The following EMILIN2 variants were observed in gnomAD, a reference collection of about 807,000 sequenced individuals.
EMILIN2 encodes elastin microfibril interfacer 2, also known as EMILIN-2.
EMILIN2 carries 71 observed loss-of-function variants against 87.1 expected under a neutral mutation model. That is an observed-to-expected ratio of 0.82 (90% CI 0.67 to 0.99). The LOEUF (loss-of-function observed/expected upper bound fraction) is 0.99, where lower values mean the gene tolerates loss of function less well. EMILIN2 is among the 50% of genes least tolerant of loss of function. EMILIN2 has a pLI of 0.00. For missense variants in EMILIN2, 1,407 were observed against 1,371.8 expected, an observed-to-expected ratio of 1.03 and a Z score of -0.40; for synonymous variants, 581 against 563.4, an observed-to-expected ratio of 1.03 and a Z score of -0.44.
chr18:2,901,000 C>T (rs945452661), intron 4 of EMILIN2, among the ~76,000 whole-genome samples: 1 of 152,230 alleles, frequency 6.6e-6, no homozygotes, highest in African/African-American at 2.4e-5. Flanking sequence ...ATGAATTACA[C>T]TTAACATTTG....
At chr18:2,883,118 T>C (rs1598495497) in intron 2 of EMILIN2, among the ~76,000 whole-genome samples, 1 of 151,930 alleles carries the variant, frequency 6.6e-6, no homozygotes, top group African/African-American at 2.4e-5. Context: ...GCTTGGCGGG[T>C]CCTAGCTGTC....
chr18:2,847,330 C>A lies in EMILIN2; in HGVS notation c.134+8C>A. ...GCCCAGCGCCAGGAACAAGTAAGTG[C>A]GCGCCCCTTGGCTGGCCCCAAACCG... On this transcript the variant is annotated splice_region_variant and intron_variant, in intron 1 of 7. Coordinates refer to ENST00000254528, the MANE Select transcript of EMILIN2 (RefSeq NM_032048.3). This position sits in a 1 kb window ranked among gnomAD's most constrained non-coding sequence, Gnocchi z 4.5. The A allele has an allele frequency of 7.6e-7, 1 of 1,311,760 alleles. No individual in the cohort carries two copies. Among genetic ancestry groups the A allele is most frequent in the Non-Finnish European group, 9.7e-7 (1 of 1,033,556 alleles). 81.3% of individuals were successfully genotyped at this position (1,311,760 alleles called of 1,614,324 possible). A position where few individuals can be genotyped will look rare whatever the true frequency, so the allele number is the denominator to read the frequency against.
intron 2 of EMILIN2, among the ~76,000 whole-genome samples, chr18:2,872,616 T>C (rs1448325947): frequency 2.0e-5 from 3 of 152,216 alleles, no homozygotes; most frequent in Non-Finnish European, 4.4e-5. Flanking sequence ...AAAGTAATGA[T>C]GTAAATTGTA....
In EMILIN2 at chr18:2,863,431, G is replaced by A. The variant is rs956389870; in HGVS notation, c.257+15500G>A. ...TGTGGTACGTTGTGTCTTTGTTCTC[G>A]TTGGTTTCACAGAACATCTTTATTT... On this transcript the variant is annotated intron_variant, in intron 2 of 7. Transcript: ENST00000254528. 7.9e-5 allele frequency among the ~76,000 whole-genome samples: 12 copies of A among 152,112 alleles called. No individual in the cohort carries two copies. The South Asian group carries it at 1.3e-3, about 16-fold the overall frequency.
chr18:2,873,821 T>G (rs921023365), intron 2 of EMILIN2, among the ~76,000 whole-genome samples: 1 of 152,210 alleles, frequency 6.6e-6, no homozygotes, highest in Non-Finnish European at 1.5e-5. Context: ...CCTCTTGAAG[T>G]ACAGGAGTTG....
At chr18:2,870,156 G>A (rs1014951358) in intron 2 of EMILIN2, among the ~76,000 whole-genome samples, 2 of 152,114 alleles carry the variant, frequency 1.3e-5, no homozygotes, top group Non-Finnish European at 2.9e-5. Context: ...TGGGAGGATC[G>A]CTTGGGCTGG....
At chr18:2,870,705 G>A (rs958371591) in intron 2 of EMILIN2, among the ~76,000 whole-genome samples, 2 of 152,232 alleles carry the variant, frequency 1.3e-5, no homozygotes, top group African/African-American at 4.8e-5. Flanking sequence ...ATATGCAGAT[G>A]TGAGAGAAGG....
chr18:2,865,885 T>C (rs2076684127), intron 2 of EMILIN2, among the ~76,000 whole-genome samples: 1 of 152,196 alleles, frequency 6.6e-6, no homozygotes, highest in African/African-American at 2.4e-5. Flanking sequence ...GACGCTTTGT[T>C]TACCTACTCA....
At chr18:2,846,753 C>A, upstream of EMILIN2, 1 of 985,382 alleles carries the variant, frequency 1.0e-6, no homozygotes. This position sits in a 1 kb window ranked among gnomAD's most constrained non-coding sequence, Gnocchi z 5.3. Flanking sequence ...AGGTGGGAGG[C>A]GGAGTCGCTC....
In EMILIN2 at chr18:2,913,442, G is replaced by T. The variant is rs757444140; in HGVS notation, c.*38G>T. 1 of 1,474,922 alleles carries T rather than the reference G, an allele frequency of 6.8e-7. No individual in the cohort carries two copies. Among genetic ancestry groups the T allele is most frequent in the Non-Finnish European group, 9.2e-7 (1 of 1,090,258 alleles). The allele number at this position is 1,474,922 out of a possible 1,614,324, so 91.4% of individuals were successfully genotyped here. On this transcript the variant is annotated 3_prime_UTR_variant, in exon 8 of 8. Coordinates refer to ENST00000254528, the MANE Select transcript of EMILIN2 (RefSeq NM_032048.3). ...GATGTCAGGGGAAAGATAGATAGTT[G>T]TAAAAACTCTAAAGCTTTAATATAT... is the stretch of plus-strand genomic sequence containing the variant.
intron 2 of EMILIN2, among the ~76,000 whole-genome samples, chr18:2,868,181 C>T (rs923739264): frequency 2.0e-5 from 3 of 151,398 alleles, no homozygotes; most frequent in African/African-American, 7.3e-5. Flanking sequence ...TGGGCAGAGA[C>T]GCTCCTCACA....
intron 2 of EMILIN2, among the ~76,000 whole-genome samples, chr18:2,872,491 G>A (rs2076724903): frequency 6.6e-6 from 1 of 152,132 alleles, no homozygotes; most frequent in South Asian, 2.1e-4. Context: ...CACAGTGCTG[G>A]GATTACAGCC....
rs943792021 is a variant in EMILIN2 at position 2,914,898 on chromosome 18, C to G, written c.*1494C>G. 2 of 152,252 alleles carry G rather than the reference C, an allele frequency of 1.3e-5. No individual in the cohort carries two copies. Among genetic ancestry groups the G allele is most frequent in the African/African-American group, 4.8e-5 (2 of 41,452 alleles). 9.4% of individuals were successfully genotyped at this position (152,252 alleles called of 1,614,324 possible). A position where few individuals can be genotyped will look rare whatever the true frequency, so the allele number is the denominator to read the frequency against. On this transcript the variant is annotated 3_prime_UTR_variant, in exon 8 of 8. Coordinates refer to ENST00000254528, the MANE Select transcript of EMILIN2 (RefSeq NM_032048.3). Reference sequence around the variant, plus strand: ...CGGGAGGGAGAATGGCATCTCACCCCATTACAACAGCTGGGGAACTGGCTA... The same window carrying G: ...CGGGAGGGAGAATGGCATCTCACCCGATTACAACAGCTGGGGAACTGGCTA...
intron 4 of EMILIN2, among the ~76,000 whole-genome samples, chr18:2,896,909 G>A (rs1232392386): frequency 6.6e-6 from 1 of 152,130 alleles, no homozygotes; most frequent in Non-Finnish European, 1.5e-5. Flanking sequence ...GGCTCAGACG[G>A]GTGTATCGCT....
intron 4 of EMILIN2, among the ~76,000 whole-genome samples, chr18:2,899,939 C>T (rs1043408657): frequency 4.6e-5 from 7 of 152,366 alleles, no homozygotes; most frequent in East Asian, 1.9e-4. Context: ...GATTTTAGCA[C>T]ACATGACTAA....
chr18:2,869,768 C>G (rs1038795886), intron 2 of EMILIN2, among the ~76,000 whole-genome samples: 6 of 143,992 alleles, frequency 4.2e-5, no homozygotes, highest in African/African-American at 1.7e-4. Context: ...ATAGATTCCT[C>G]TGTGTGTGTG....
At chr18:2,868,525 A>C (rs1022023129) in intron 2 of EMILIN2, among the ~76,000 whole-genome samples, 7 of 152,256 alleles carry the variant, frequency 4.6e-5, no homozygotes, top group African/African-American at 7.2e-5. Flanking sequence ...TGAGTGAACG[A>C]GGCTCCCTCT....
Position 2,890,650 on chromosome 18 carries a change from G to T in EMILIN2, c.523G>T (p.Gly175Trp). 6.2e-7 allele frequency: 1 copy of T among 1,614,036 alleles called. No individual in the cohort carries two copies. The highest frequency in any genetic ancestry group is 1.1e-5 in the South Asian group (1 of 91,074). ...AAGCTGGGGGGTAGATCCAAAAGAG[G>T]GGCCTCAGGAACTTCAGGAAAAGAA... ...QPSWGVDPKE[G>W]PQELQEKKIQ... The change falls in exon 4 of 8, where the codon GGG becomes TGG. Residue 175 changes from glycine (G) to tryptophan (W), a missense_variant. Coordinates refer to ENST00000254528, the MANE Select transcript of EMILIN2 (RefSeq NM_032048.3). The surrounding 1 kb of genome is among the most constrained non-coding windows in gnomAD (Gnocchi z 4.7).
chr18:2,901,051 C>G (rs2076886128), intron 4 of EMILIN2, among the ~76,000 whole-genome samples: 1 of 152,174 alleles, frequency 6.6e-6, no homozygotes, highest in Non-Finnish European at 1.5e-5. Context: ...AAGGGCACAC[C>G]CACATCCATT....
Sources: allele counts gnomAD v4.1 joint callset (sites outside exome capture counted in the v4.1 genomes callset), GRCh38; gene constraint gnomAD v4.1.1; non-coding constraint Gnocchi (gnomAD v3.1); transcripts MANE v1.5; gene names NCBI Gene and HGNC (gene_info 2026-07-23, HGNC 2026-07-21).